Variants in MOG observed in about 807,000 individuals in gnomAD.
MOG encodes the protein myelin oligodendrocyte glycoprotein, also known as myelin-oligodendrocyte glycoprotein.
MOG carries 20 observed loss-of-function variants against 35.9 expected under a neutral mutation model. That is an observed-to-expected ratio of 0.56 (90% CI 0.39 to 0.81). The LOEUF is 0.81. Among genes scored for constraint, MOG ranks in the 30% least tolerant of loss-of-function variants. The probability of loss-of-function intolerance (pLI) is 0.00; values close to 1 mark genes in which losing one functional copy is unlikely to be tolerated. For synonymous variants in MOG, 92 were observed against 114.3 expected (o/e 0.80, Z 1.25); for missense variants, 251 against 301.0 (o/e 0.83, Z 1.23).
intron 5 of MOG, among the ~76,000 whole-genome samples, chr6:29,669,589 C>A (rs1360969193): frequency 6.6e-6 from 1 of 152,174 alleles, no homozygotes; most frequent in Non-Finnish European, 1.5e-5. Flanking sequence ...CCAGGCCCAG[C>A]CCAATAACCT....
intron 1 of MOG, 53 bp from the exon 2 acceptor site, chr6:29,659,266 C>G: frequency 6.3e-7 from 1 of 1,578,192 alleles, no homozygotes; most frequent in Non-Finnish European, 8.7e-7. Flanking sequence ...GACAGGCTTG[C>G]TTGCCAAGGT....
Position 29,662,657 on chromosome 6 carries a change from C to T in MOG, c.436+2991C>T, listed in dbSNP as rs1287780205. On this transcript the variant is annotated intron_variant, in intron 2 of 7. Transcript: ENST00000376917. This position sits in a 1 kb window ranked among gnomAD's most constrained non-coding sequence, Gnocchi z 4.2. ...TAAATCCTAGGCAGCATGATCATTT[C>T]TTTTTTTTCTTTTTATTTATTTTGA... is the stretch of plus-strand genomic sequence containing the variant. 6.6e-6 allele frequency among the ~76,000 whole-genome samples: 1 copy of T among 151,484 alleles called. No homozygotes were observed. The highest frequency in any genetic ancestry group is 1.5e-5 in the Non-Finnish European group (1 of 67,926).
Position 29,657,216 on chromosome 6 carries a change from A to C in MOG, c.7A>C (p.Ser3Arg). ...GTCCCCAGGAACAGTAGAGATGGCA[A>C]GCTTATCAAGACCCTCTCTGCCCAG... is the stretch of plus-strand genomic sequence containing the variant. MASLSRPSLPSCL... is the reference protein window; with the variant it reads MARLSRPSLPSCL... Residue 3 changes from serine (S) to arginine (R), a missense_variant, in exon 1 of 8, where the codon AGC becomes CGC. Ser to Arg is a moderately radical substitution (Grantham distance 110, BLOSUM62 -1). Coordinates refer to ENST00000376917, the MANE Select transcript of MOG (RefSeq NM_206809.4). 6.2e-7 allele frequency: 1 copy of C among 1,610,126 alleles called. No homozygotes were observed. Among genetic ancestry groups the C allele is most frequent in the Non-Finnish European group, 8.5e-7 (1 of 1,177,792 alleles).
At chr6:29,659,839 T>TAA (rs1768111071) in intron 2 of MOG, 173 bp downstream of exon 2, 4 of 652,526 alleles carry the variant, frequency 6.1e-6, no homozygotes, top group Non-Finnish European at 1.1e-5. Flanking sequence ...GTTGCATCAT[T>TAA]ATTCAGAGTA....
rs1771500246 is a variant in MOG, at chr6:29,671,732, G to A, written c.*547G>A. 3.7e-6 allele frequency: 2 copies of A among 539,810 alleles called. No individual in the cohort carries two copies. The highest frequency in any genetic ancestry group is 6.3e-5 in the Admixed American group (2 of 31,624). The allele number at this position is 539,810 out of a possible 1,614,324, so 33.4% of individuals were successfully genotyped here. ...GCCCCAACCCAAACCTGGAGATGGG[G>A]AGAAACCTACAGAATACTAGCCAGA... On this transcript the variant is annotated 3_prime_UTR_variant, in exon 8 of 8. Transcript: ENST00000376917.
In MOG at chr6:29,659,519, C is replaced by T. The variant is rs781193948; in HGVS notation, c.289C>T (p.Arg97Trp). The T allele has an allele frequency of 7.4e-6, 12 of 1,612,884 alleles. No homozygotes were observed. The highest frequency in any genetic ancestry group is 1.3e-5 in the African/African-American group (1 of 74,878). Residue 97 changes from arginine to tryptophan, a missense_variant, in exon 2 of 8, where the codon CGG becomes TGG. Physicochemically the swap from Arg to Trp is moderately radical, Grantham distance 101. Transcript: ENST00000376917. ...AGACCAGGCACCTGAATATCGGGGC[C>T]GGACAGAGCTGCTGAAAGATGCTAT... ...DGDQAPEYRG[R>W]TELLKDAIGE...
chr6:29,657,248 C>G lies in MOG; in HGVS notation c.39C>G (p.Leu13=). Residue 13 remains leucine (L), a synonymous_variant, in exon 1 of 8, where the codon CTC becomes CTG. Coordinates refer to ENST00000376917, the MANE Select transcript of MOG (RefSeq NM_206809.4). ...SLSRPSLPSC[L]CSFLLLLLLQ... ...CAAGACCCTCTCTGCCCAGCTGCCT[C>G]TGCTCCTTCCTCCTCCTCCTCCTCC... is the stretch of plus-strand genomic sequence containing the variant. 1.2e-6 allele frequency: 2 copies of G among 1,608,628 alleles called. No individual in the cohort carries two copies. Among genetic ancestry groups the G allele is most frequent in the African/African-American group, 2.7e-5 (2 of 73,440 alleles).
chr6:29,665,143 C>T (rs2747418), intron 2 of MOG, among the ~76,000 whole-genome samples: 8,011 of 151,142 alleles, frequency 0.053, 426 homozygotes, highest in African/African-American at 0.14. Flanking sequence ...GTTGCCCAGG[C>T]TGGAGTGCAA....
rs1483246794 is a variant in MOG, at chr6:29,666,297, C to T, written c.550+32C>T. The T allele has an allele frequency of 2.2e-6, 3 of 1,345,812 alleles. No homozygotes were observed. The South Asian group carries it at 3.5e-5, about 16-fold the overall frequency. The allele number at this position is 1,345,812 out of a possible 1,614,324, so 83.4% of individuals were successfully genotyped here. A position where few individuals can be genotyped will look rare whatever the true frequency, so the allele number is the denominator to read the frequency against. On this transcript the variant is annotated intron_variant, in intron 3 of 7. Transcript: ENST00000376917. ...GGCAGAGGGTGGGTGGATCAGGATCCTTTCTTTAAATGAGCTGGCTTCTTG... is the reference window on the plus strand; with the variant it reads ...GGCAGAGGGTGGGTGGATCAGGATCTTTTCTTTAAATGAGCTGGCTTCTTG...
At position 29,671,496 on chromosome 6, in the gene MOG, A is replaced by T; in HGVS notation, c.*311A>T. ...CTCCATCAGAGGACACCTGTACTGG[A>T]GAGCAACACAGGATGGTCTCTGCCA... On this transcript the variant is annotated 3_prime_UTR_variant, in exon 8 of 8. Transcript: ENST00000376917. 8.1e-7 allele frequency: 1 copy of T among 1,227,394 alleles called. No homozygotes were observed. The highest frequency in any genetic ancestry group is 1.2e-6 in the Non-Finnish European group (1 of 828,260). 76.0% of individuals were successfully genotyped at this position (1,227,394 alleles called of 1,614,324 possible). A position where few individuals can be genotyped will look rare whatever the true frequency, so the allele number is the denominator to read the frequency against.
chr6:29,660,945 G>A (rs1223705253), intron 2 of MOG, among the ~76,000 whole-genome samples: 2 of 152,030 alleles, frequency 1.3e-5, no homozygotes, highest in Non-Finnish European at 2.9e-5. Flanking sequence ...CTGACCTCAG[G>A]TGATCCACTC....
In MOG at chr6:29,657,321, C is replaced by T. The variant is rs1298497840; in HGVS notation, c.88+24C>T. ...AGGTAAGACATGTTTTTTTTCCTGC[C>T]CTGGGGAGACCCTGAAAACAGAAAG... is the stretch of plus-strand genomic sequence containing the variant. On this transcript the variant is annotated intron_variant, in intron 1 of 7. Transcript: ENST00000376917. 3 of 1,517,136 alleles carry T rather than the reference C, an allele frequency of 2.0e-6. No homozygotes were observed. The African/African-American group carries it at 4.1e-5, about 21-fold the overall frequency. The allele number at this position is 1,517,136 out of a possible 1,614,324, so 94.0% of individuals were successfully genotyped here.
At position 29,670,211 on chromosome 6, in the gene MOG, A is replaced by G. The variant is rs2857775; in HGVS notation, c.593-70A>G. 4 of 1,613,984 alleles carry G rather than the reference A, an allele frequency of 2.5e-6. No individual in the cohort carries two copies. Among genetic ancestry groups the G allele is most frequent in the Non-Finnish European group, 3.4e-6 (4 of 1,179,954 alleles). ...TTCTAGGACCCCAGGTTAAGGAACCAAAAAAGACAGGTGGGTGGGGCATGA... is the reference window on the plus strand; with the variant it reads ...TTCTAGGACCCCAGGTTAAGGAACCGAAAAAGACAGGTGGGTGGGGCATGA... On this transcript the variant is annotated intron_variant, in intron 5 of 7. Coordinates refer to ENST00000376917, the MANE Select transcript of MOG (RefSeq NM_206809.4). The surrounding 1 kb of genome is among the most constrained non-coding windows in gnomAD (Gnocchi z 4.2).
chr6:29,670,245 A>T lies in MOG; in HGVS notation c.593-36A>T. On this transcript the variant is annotated intron_variant, in intron 5 of 7. Transcript: ENST00000376917. This position sits in a 1 kb window ranked among gnomAD's most constrained non-coding sequence, Gnocchi z 4.2. ...AGGTGGGTGGGGCATGAGGGGGAACACATGTTAACCCTGTTTGTTCTGGTG... is the reference window on the plus strand; with the variant it reads ...AGGTGGGTGGGGCATGAGGGGGAACTCATGTTAACCCTGTTTGTTCTGGTG... 1.2e-6 allele frequency: 2 copies of T among 1,614,218 alleles called. No homozygotes were observed. Among genetic ancestry groups the T allele is most frequent in the East Asian group, 2.2e-5 (1 of 44,888 alleles).
rs776541043 is a variant in MOG at position 29,670,266 on chromosome 6, T to C, written c.593-15T>C. On this transcript the variant is annotated splice_polypyrimidine_tract_variant and intron_variant, in intron 5 of 7. Transcript: ENST00000376917. The surrounding 1 kb of genome is among the most constrained non-coding windows in gnomAD (Gnocchi z 4.2). ...GAACACATGTTAACCCTGTTTGTTCTGGTGAACAATTCAGATCCCCACTTT... is the reference window on the plus strand; with the variant it reads ...GAACACATGTTAACCCTGTTTGTTCCGGTGAACAATTCAGATCCCCACTTT... 6.2e-7 allele frequency: 1 copy of C among 1,614,230 alleles called. No individual in the cohort carries two copies.
chr6:29,664,235 T>A (rs1360369337), intron 2 of MOG, among the ~76,000 whole-genome samples: 1 of 151,392 alleles, frequency 6.6e-6, no homozygotes, highest in African/African-American at 2.4e-5. Flanking sequence ...GAGATGGAGT[T>A]TTGCTCTTGT....
rs1346601031 is a variant in MOG at position 29,670,772 on chromosome 6, G to T, written c.730+51G>T. 17 of 1,606,874 alleles carry T rather than the reference G, an allele frequency of 1.1e-5. No homozygotes were observed. The highest frequency in any genetic ancestry group is 1.3e-5 in the Non-Finnish European group (15 of 1,176,786). On this transcript the variant is annotated intron_variant, in intron 7 of 7. Transcript: ENST00000376917. The surrounding 1 kb of genome is among the most constrained non-coding windows in gnomAD (Gnocchi z 4.2). ...GCAGAGAATAAAAAGCCAGGAAAGG[G>T]AGACAGAAGCAACAAGAGGAAGAGG...
Position 29,662,448 on chromosome 6 carries a change from A to G in MOG, c.436+2782A>G, listed in dbSNP as rs936711564. On this transcript the variant is annotated intron_variant, in intron 2 of 7. Transcript: ENST00000376917. This position sits in a 1 kb window ranked among gnomAD's most constrained non-coding sequence, Gnocchi z 4.2. ...CGGTGAGCCAAGATCGCGCCATTGC[A>G]CTCCAGCCTGGGCAACAAGAGCAAA... Among the ~76,000 whole-genome samples, 2 of 151,318 alleles carry G rather than the reference A, an allele frequency of 1.3e-5. No homozygotes were observed. The highest frequency in any genetic ancestry group is 6.6e-5 in the Admixed American group (1 of 15,176).
intron 2 of MOG, among the ~76,000 whole-genome samples, chr6:29,665,067 A>G (rs1392660359): frequency 6.6e-6 from 1 of 151,956 alleles, no homozygotes; most frequent in East Asian, 1.9e-4. Context: ...GACTTTTCTA[A>G]TGTGACGTGA....
Sources: allele counts gnomAD v4.1 joint callset (sites outside exome capture counted in the v4.1 genomes callset), GRCh38; gene constraint gnomAD v4.1.1; non-coding constraint Gnocchi (gnomAD v3.1); transcripts MANE v1.5; gene names NCBI Gene and HGNC (gene_info 2026-07-23, HGNC 2026-07-21).